STPG2: variants seen among roughly 807,000 people sequenced by gnomAD.
The protein encoded by STPG2 is sperm tail PG-rich repeat containing 2.
A neutral mutation model predicts 54.2 loss-of-function variants in STPG2; 56 were observed. The observed-to-expected ratio is 1.03, with a 90% CI of 0.83 to 1.29. STPG2 has a LOEUF of 1.29. Ranked by LOEUF, STPG2 falls within the 50% of genes most tolerant of loss-of-function variation. The probability of loss-of-function intolerance (pLI) is 0.00; values close to 1 mark genes in which losing one functional copy is unlikely to be tolerated. For missense variants in STPG2, 596 were observed against 544.9 expected (o/e 1.09, Z -0.93); for synonymous variants, 200 against 181.8 (o/e 1.10, Z -0.81).
chr4:97,887,009 C>A (rs111997932), intron 8 of STPG2, among the ~76,000 whole-genome samples: 3,462 of 152,276 alleles, frequency 0.023, 81 homozygotes, highest in African/African-American at 0.065. Flanking sequence ...CGTAAGTTTC[C>A]TGAGGCCTCC....
At chr4:97,832,558 A>T (rs1728502090) in intron 9 of STPG2, among the ~76,000 whole-genome samples, 1 of 152,204 alleles carries the variant, frequency 6.6e-6, no homozygotes, top group Non-Finnish European at 1.5e-5. Flanking sequence ...TTCAAATAGG[A>T]AAAGAGAAAG....
At chr4:98,013,351 G>A (rs545389933) in intron 5 of STPG2, among the ~76,000 whole-genome samples, 1 of 152,272 alleles carries the variant, frequency 6.6e-6, no homozygotes, top group Non-Finnish European at 1.5e-5. Flanking sequence ...CAGTTTGCCA[G>A]CATTTTATTG....
chr4:97,799,198 T>C (rs535277163), intron 9 of STPG2, among the ~76,000 whole-genome samples: 11 of 150,734 alleles, frequency 7.3e-5, no homozygotes, highest in Admixed American at 7.3e-4. Context: ...AGGTTAATAT[T>C]GTTATGTGTG....
At chr4:97,974,045 C>T (rs905915790) in intron 6 of STPG2, among the ~76,000 whole-genome samples, 1 of 152,268 alleles carries the variant, frequency 6.6e-6, no homozygotes, top group Admixed American at 6.5e-5. Flanking sequence ...TGAAAGCATC[C>T]GGGAGGGAGG....
intron 10 of STPG2, among the ~76,000 whole-genome samples, chr4:97,677,264 T>C (rs1327045478): frequency 6.6e-6 from 1 of 152,174 alleles, no homozygotes; most frequent in African/African-American, 2.4e-5. Context: ...TATTGAACAA[T>C]TGAGTAGTAT....
intron 9 of STPG2, among the ~76,000 whole-genome samples, chr4:97,836,301 A>G (rs965808741): frequency 6.6e-6 from 1 of 151,996 alleles, no homozygotes; most frequent in Non-Finnish European, 1.5e-5. Flanking sequence ...TTCAGCAGCC[A>G]CCAACATCAA....
intron 4 of STPG2, among the ~76,000 whole-genome samples, chr4:97,493,192 G>A (rs1488931235): frequency 6.6e-6 from 1 of 150,778 alleles, no homozygotes; most frequent in East Asian, 2.0e-4. Flanking sequence ...ACTGAAGAGT[G>A]AAACACAGCC....
At chr4:97,798,192 C>T (rs1416680177) in intron 9 of STPG2, among the ~76,000 whole-genome samples, 1 of 152,092 alleles carries the variant, frequency 6.6e-6, no homozygotes, top group Non-Finnish European at 1.5e-5. Flanking sequence ...TTCAGTTCTT[C>T]TCTGATCTTA....
intron 8 of STPG2, among the ~76,000 whole-genome samples, chr4:97,929,248 T>G (rs555694287): frequency 6.6e-6 from 1 of 152,374 alleles, no homozygotes. Flanking sequence ...GGTGTATATG[T>G]ACTACATTTT....
At chr4:97,956,005 C>T (rs1242147281) in intron 7 of STPG2, among the ~76,000 whole-genome samples, 1 of 151,866 alleles carries the variant, frequency 6.6e-6, no homozygotes, top group East Asian at 1.9e-4. Flanking sequence ...AAAAACGATT[C>T]CATTTTTCAT....
chr4:97,973,542 T>C (rs1345830246), intron 6 of STPG2, among the ~76,000 whole-genome samples: 1 of 152,226 alleles, frequency 6.6e-6, no homozygotes, highest in African/African-American at 2.4e-5. Flanking sequence ...GAGTTGAATG[T>C]TAATCCCCAA....
chr4:97,933,321 C>T (rs1732621199), intron 8 of STPG2, among the ~76,000 whole-genome samples: 1 of 152,066 alleles, frequency 6.6e-6, no homozygotes, highest in African/African-American at 2.4e-5. Context: ...GTTACCTGTT[C>T]ACTCTGATGA....
chr4:97,592,224 A>G (rs1227963399), intron 10 of STPG2, among the ~76,000 whole-genome samples: 2 of 152,114 alleles, frequency 1.3e-5, no homozygotes, highest in Admixed American at 1.3e-4. Flanking sequence ...CTCATTTTTT[A>G]TTTATTATGT....
chr4:97,851,247 C>T (rs1198859547), intron 8 of STPG2, among the ~76,000 whole-genome samples: 1 of 152,152 alleles, frequency 6.6e-6, no homozygotes, highest in Non-Finnish European at 1.5e-5. Flanking sequence ...ACCATTGTAT[C>T]TCCCAGAATG....
chr4:97,474,895 T>C lies in STPG2; in HGVS notation c.462+237804A>G, dbSNP rs112087599. Among the ~76,000 whole-genome samples the C allele has an allele frequency of 4.5e-3, 681 of 152,200 alleles. 3 individuals are homozygous for C. Among genetic ancestry groups the C allele is most frequent in the Middle Eastern group, 0.02 (6 of 294 alleles). Reference sequence around the variant, plus strand: ...AATATACACATAAAGATTTAACTTATATAAATATATGGCATTATGTAGTAT... The same window carrying C: ...AATATACACATAAAGATTTAACTTACATAAATATATGGCATTATGTAGTAT... On this transcript the variant is annotated intron_variant, in intron 4 of 4. Coordinates refer to the STPG2 transcript ENST00000522676.
intron 4 of STPG2, among the ~76,000 whole-genome samples, chr4:97,463,315 C>T (rs184485560): frequency 4.6e-5 from 7 of 152,114 alleles, no homozygotes; most frequent in East Asian, 3.9e-4. Context: ...ATATAAATTT[C>T]GGACGCTTTA....
chr4:97,959,783 T>C (rs1203490955), intron 7 of STPG2, among the ~76,000 whole-genome samples: 1 of 151,760 alleles, frequency 6.6e-6, no homozygotes, highest in African/African-American at 2.4e-5. Flanking sequence ...GAAGAATTGG[T>C]ACCAATCCTT....
chr4:98,040,696 C>T (rs867427307), intron 5 of STPG2, among the ~76,000 whole-genome samples: 63 of 151,832 alleles, frequency 4.1e-4, no homozygotes, highest in African/African-American at 1.5e-3. Flanking sequence ...TATACCAGTA[C>T]CATGCTATTT....
intron 5 of STPG2, among the ~76,000 whole-genome samples, chr4:98,061,040 A>T (rs1449346969): frequency 6.6e-6 from 1 of 152,196 alleles, no homozygotes; most frequent in Non-Finnish European, 1.5e-5. Context: ...GCCAAAAGCA[A>T]TTGCAATAAA....
Sources: allele counts gnomAD v4.1 joint callset (sites outside exome capture counted in the v4.1 genomes callset), GRCh38; gene constraint gnomAD v4.1.1; transcripts MANE v1.5; gene names NCBI Gene and HGNC (gene_info 2026-07-23, HGNC 2026-07-21).